The following DCLRE1C variants were observed in gnomAD, a reference collection of about 807,000 sequenced individuals.
The protein encoded by DCLRE1C is DNA cross-link repair 1C.
DCLRE1C carries 47 observed loss-of-function variants against 61.4 expected under a neutral mutation model. The ratio of observed to expected loss-of-function variants is 0.77; its 90% CI spans 0.61 to 0.98. The LOEUF (loss-of-function observed/expected upper bound fraction) is 0.98. DCLRE1C is among the 50% of genes least tolerant of loss of function. The probability of loss-of-function intolerance (pLI) is 0.00; values close to 1 mark genes in which losing one functional copy is unlikely to be tolerated. For synonymous variants in DCLRE1C, 337 were observed against 287.6 expected (o/e 1.17, Z -1.74); for missense variants, 858 against 816.0 (o/e 1.05, Z -0.63).
At chr10:14,904,381 T>G (rs948442666), downstream of DCLRE1C, 1 of 150,834 alleles carries the variant, frequency 6.6e-6, no homozygotes, top group Non-Finnish European at 1.5e-5. Context: ...TTAATGGCAT[T>G]TGTGTTTTAA....
chr10:14,953,957 G>A lies in DCLRE1C; in HGVS notation c.54C>T (p.Arg18=), dbSNP rs536637310. The A allele has an allele frequency of 5.0e-6, 8 of 1,614,072 alleles. No homozygotes were observed. The highest frequency in any genetic ancestry group is 1.3e-5 in the African/African-American group (1 of 75,066). Residue 18 remains arginine (R), a synonymous_variant, in exon 1 of 14, where the codon CGC becomes CGT. Coordinates refer to ENST00000378278, the MANE Select transcript of DCLRE1C (RefSeq NM_001033855.3). ...GGGCCCTCAGGTTCTCCCTATCGAA[G>A]CGGTCTATGGAGATAGTTGGATACT... ...MAEYPTISID[R]FDRENLRARA... is the part of the protein sequence containing the mutation.
rs373447115 is a variant in DCLRE1C at position 14,943,896 on chromosome 10, A to C, written c.246+1209T>G. Among the ~76,000 whole-genome samples the C allele has an allele frequency of 2.0e-3, 312 of 152,312 alleles. 4 individuals are homozygous for C. In the South Asian group the frequency reaches 0.057, roughly 28 times the overall value. On this transcript the variant is annotated intron_variant, in intron 3 of 13. Transcript: ENST00000378278. ...AACTGAGAATTTGTCTTTTGACCAA[A>C]GGTACAATTAAATCCTTTCCTATAT...
chr10:14,917,185 G>A (rs143384949), intron 13 of DCLRE1C, among the ~76,000 whole-genome samples: 1 of 152,064 alleles, frequency 6.6e-6, no homozygotes, highest in Non-Finnish European at 1.5e-5. Context: ...AGAACATTTG[G>A]ATATCCATAC....
intron 11 of DCLRE1C, among the ~76,000 whole-genome samples, chr10:14,926,551 G>C (rs1228264644): frequency 6.6e-6 from 1 of 151,804 alleles, no homozygotes; most frequent in Non-Finnish European, 1.5e-5. Context: ...CTATTCGGGA[G>C]GCTGAGGCAG....
chr10:14,906,419 A>C lies in DCLRE1C; in HGVS notation c.*1989T>G, dbSNP rs1194540110. Reference sequence around the variant, plus strand: ...TAATGCCAGACTCACATATAAAACAAACGTAACAGTATGTAATATTAATGT... The same window carrying C: ...TAATGCCAGACTCACATATAAAACACACGTAACAGTATGTAATATTAATGT... On this transcript the variant is annotated 3_prime_UTR_variant, in exon 14 of 14. Coordinates refer to ENST00000378278, the MANE Select transcript of DCLRE1C (RefSeq NM_001033855.3). 6.6e-6 allele frequency among the ~76,000 whole-genome samples: 1 copy of C among 152,244 alleles called. No homozygotes were observed. The highest frequency in any genetic ancestry group is 1.9e-4 in the East Asian group (1 of 5,202).
chr10:14,902,184 T>C (rs1834072761), downstream of DCLRE1C, among the ~76,000 whole-genome samples: 1 of 152,208 alleles, frequency 6.6e-6, no homozygotes, highest in African/African-American at 2.4e-5. Context: ...CACCATCCTT[T>C]CAAGACAATT....
chr10:14,919,655 G>T, intron 13 of DCLRE1C, 83 bp downstream of exon 13: 1 of 1,067,196 alleles, frequency 9.4e-7, no homozygotes, highest in Non-Finnish European at 1.5e-6. Flanking sequence ...TCTGCCCAAG[G>T]CCACTTCTCC....
At chr10:14,928,519 C>G (rs747582125) in intron 9 of DCLRE1C, among the ~76,000 whole-genome samples, 13 of 152,198 alleles carry the variant, frequency 8.5e-5, no homozygotes, top group Non-Finnish European at 1.6e-4. Flanking sequence ...ATGGGAAGAA[C>G]TGGGGACATC....
rs1181828308 is a variant in DCLRE1C at position 14,905,295 on chromosome 10, G to A, written c.*3113C>T. On this transcript the variant is annotated 3_prime_UTR_variant, in exon 14 of 14. Transcript: ENST00000378278. ...ATATTAAAGGACAATTTGACATTTC[G>A]CTAGCATAATGTGGATGAATACTTC... Among the ~76,000 whole-genome samples the A allele has an allele frequency of 1.3e-5, 2 of 152,224 alleles. No homozygotes were observed. Among genetic ancestry groups the A allele is most frequent in the African/African-American group, 4.8e-5 (2 of 41,452 alleles).
intron 13 of DCLRE1C, among the ~76,000 whole-genome samples, chr10:14,914,152 G>A (rs894891098): frequency 6.6e-6 from 1 of 152,092 alleles, no homozygotes; most frequent in African/African-American, 2.4e-5. Flanking sequence ...CTGCTTACAA[G>A]AAACCCACTT....
chr10:14,922,878 C>T, intron 12 of DCLRE1C, 103 bp downstream of exon 12: 1 of 876,920 alleles, frequency 1.1e-6, no homozygotes. Context: ...TGTCCCAAAA[C>T]AAACAGATTC....
In DCLRE1C at chr10:14,919,718, C is replaced by A. The variant is rs886545821; in HGVS notation, c.1156+20G>T. On this transcript the variant is annotated intron_variant, in intron 13 of 13. Transcript: ENST00000378278. The stretch of plus-strand genomic sequence containing the variant: ...TTTGCAGGGAGCCCACCCCTCTGAA[C>A]CCAGGACCATTTTTCTTACCTGAGT... 5 of 1,596,418 alleles carry A rather than the reference C, an allele frequency of 3.1e-6. No homozygotes were observed. Among genetic ancestry groups the A allele is most frequent in the South Asian group, 2.2e-5 (2 of 90,684 alleles).
chr10:14,909,660 G>T (rs1258452279), intron 13 of DCLRE1C, among the ~76,000 whole-genome samples: 1 of 151,310 alleles, frequency 6.6e-6, no homozygotes, highest in Non-Finnish European at 1.5e-5. Context: ...CTGAATCCCT[G>T]AGGAAGATAG....
chr10:14,929,211 T>A (rs1838550515), intron 9 of DCLRE1C, among the ~76,000 whole-genome samples: 1 of 151,912 alleles, frequency 6.6e-6, no homozygotes, highest in African/African-American at 2.4e-5. Context: ...CCAAGACCAG[T>A]CTGACCAACA....
intron 1 of DCLRE1C, among the ~76,000 whole-genome samples, chr10:14,952,870 T>TTA (rs1251261226): frequency 6.6e-6 from 1 of 152,142 alleles, no homozygotes; most frequent in Admixed American, 6.5e-5. Flanking sequence ...CTTCAACGAT[T>TTA]TATAGTCCAA....
intron 2 of DCLRE1C, 81 bp from the exon 3 acceptor site, chr10:14,945,270 A>G (rs1841502493): frequency 2.1e-6 from 3 of 1,457,404 alleles, no homozygotes; most frequent in Middle Eastern, 2.2e-4. Flanking sequence ...TTCATCATAC[A>G]TCTAATAATT....
downstream of DCLRE1C, chr10:14,899,637 A>T (rs758378629): frequency 5.0e-6 from 8 of 1,614,220 alleles, no homozygotes; most frequent in Admixed American, 1.3e-4. Flanking sequence ...ATGAATTCAC[A>T]GTGGATGCGG....
At chr10:14,944,828 C>T (rs1428835108) in intron 3 of DCLRE1C, among the ~76,000 whole-genome samples, 21 of 151,848 alleles carry the variant, frequency 1.4e-4, no homozygotes, top group South Asian at 8.3e-4. Flanking sequence ...GTGTGTGCCA[C>T]GACACCTGGC....
chr10:14,897,599 G>A, exon 14 of DCLRE1C: 16 of 1,179,680 alleles, frequency 1.4e-5, no homozygotes, highest in Non-Finnish European at 1.8e-5. Context: ...CTCTTTAAGA[G>A]ATACTTGGTA....
Sources: gnomAD v4.1 joint callset for allele counts (sites outside exome capture counted in the v4.1 genomes callset) on GRCh38, gnomAD v4.1.1 for gene constraint, MANE v1.5 for transcripts, NCBI Gene and HGNC (gene_info 2026-07-23, HGNC 2026-07-21) for gene names.